The following WNT2B variants were observed in gnomAD, a reference collection of about 807,000 sequenced individuals.
WNT2B encodes the protein protein Wnt-2b.
A neutral mutation model predicts 40.5 loss-of-function variants in WNT2B; 19 were observed. The observed-to-expected ratio is 0.47, with a 90% CI of 0.33 to 0.69. The LOEUF (loss-of-function observed/expected upper bound fraction) is 0.69. Among genes scored for constraint, WNT2B ranks in the 30% least tolerant of loss-of-function variants. The probability of loss-of-function intolerance (pLI) is 0.02; values close to 1 mark genes in which losing one functional copy is unlikely to be tolerated. For synonymous variants in WNT2B, 220 were observed against 211.9 expected (o/e 1.04, Z -0.33); for missense variants, 467 against 556.4 (o/e 0.84, Z 1.62).
rs1488076434 is a variant in WNT2B, at chr1:112,520,718, G to C, written c.*209G>C. 2 of 599,632 alleles carry C rather than the reference G, an allele frequency of 3.3e-6. No homozygotes were observed. The highest frequency in any genetic ancestry group is 1.9e-5 in the African/African-American group (1 of 53,930). 37.1% of individuals were successfully genotyped at this position (599,632 alleles called of 1,614,324 possible). A position where few individuals can be genotyped will look rare whatever the true frequency, so the allele number is the denominator to read the frequency against. ...TCAGGGGATATAAGAAACTGAGCAA[G>C]CTCCCTGATTTCCCGCTCTGGAGAT... On this transcript the variant is annotated 3_prime_UTR_variant, in exon 5 of 5. Transcript: ENST00000369684.
At chr1:112,490,918 A>G in intron 1 of WNT2B, 1 of 1,310,226 alleles carries the variant, frequency 7.6e-7, no homozygotes. Flanking sequence ...CAATAGCTCT[A>G]CCCTAAATAA....
intron 1 of WNT2B, among the ~76,000 whole-genome samples, chr1:112,482,327 A>G (rs770931499): frequency 3.3e-5 from 5 of 152,038 alleles, no homozygotes; most frequent in Non-Finnish European, 5.9e-5. Flanking sequence ...TCAAAAAATA[A>G]TAATAATAAT....
At chr1:112,513,023 T>A (rs1370658348) in intron 1 of WNT2B, among the ~76,000 whole-genome samples, 1 of 152,150 alleles carries the variant, frequency 6.6e-6, no homozygotes, top group Non-Finnish European at 1.5e-5. Flanking sequence ...AAGAAGGACT[T>A]GTTGCCCGAG....
chr1:112,472,905 G>A (rs546713175), intron 1 of WNT2B, among the ~76,000 whole-genome samples: 9 of 148,940 alleles, frequency 6.0e-5, no homozygotes, highest in South Asian at 4.4e-4. Context: ...TGATGCTGCC[G>A]TGAGTTGTGA....
intron 1 of WNT2B, among the ~76,000 whole-genome samples, chr1:112,491,280 C>T (rs1426532163): frequency 1.3e-5 from 2 of 152,000 alleles, no homozygotes; most frequent in Non-Finnish European, 2.9e-5. Flanking sequence ...TGGTGGTGGG[C>T]GCCTGTAATC....
intron 1 of WNT2B, among the ~76,000 whole-genome samples, chr1:112,477,607 C>A (rs1249650393): frequency 6.6e-6 from 1 of 152,032 alleles, no homozygotes; most frequent in Non-Finnish European, 1.5e-5. Flanking sequence ...TTGGTGGCTA[C>A]AAGAAGACAC....
chr1:112,511,593 A>AT (rs1168227393), intron 1 of WNT2B, among the ~76,000 whole-genome samples: 1 of 152,048 alleles, frequency 6.6e-6, no homozygotes, highest in East Asian at 1.9e-4. Context: ...TAATATTTGG[A>AT]TTTTTCTCAT....
upstream of WNT2B, chr1:112,508,649 C>G: frequency 1.1e-6 from 1 of 943,392 alleles, no homozygotes; most frequent in Non-Finnish European, 1.3e-6. This position sits in a 1 kb window ranked among gnomAD's most constrained non-coding sequence, Gnocchi z 4.2. Flanking sequence ...CCCGCTCCGC[C>G]AGCCTGGCCG....
rs973980992 is a variant in WNT2B at position 112,480,918 on chromosome 1, C to A, written c.-95+13327C>A. On this transcript the variant is annotated intron_variant, in intron 1 of 4. Coordinates refer to the WNT2B transcript ENST00000256640. The stretch of plus-strand genomic sequence containing the variant: ...GCATGGTGGCTCACACCTGTAATCC[C>A]AGCACTTTGGGAGGCCGAGGTGGAT... Among the ~76,000 whole-genome samples the A allele has an allele frequency of 3.9e-5, 6 of 152,256 alleles. No homozygotes were observed. In the East Asian group the frequency reaches 5.8e-4, roughly 15 times the overall value.
chr1:112,478,209 G>A (rs1651110165), intron 1 of WNT2B, among the ~76,000 whole-genome samples: 1 of 151,930 alleles, frequency 6.6e-6, no homozygotes, highest in Non-Finnish European at 1.5e-5. Flanking sequence ...ACTCCAGCCT[G>A]GGCAACAAAG....
intron 1 of WNT2B, among the ~76,000 whole-genome samples, chr1:112,512,066 G>A (rs1178066292): frequency 4.0e-5 from 6 of 151,556 alleles, no homozygotes; most frequent in East Asian, 1.9e-4. Flanking sequence ...GGCTGTACAC[G>A]AAAGGAGGAA....
intron 1 of WNT2B, among the ~76,000 whole-genome samples, chr1:112,489,833 G>GTA (rs1264994976): frequency 6.6e-6 from 1 of 151,890 alleles, no homozygotes; most frequent in Non-Finnish European, 1.5e-5. Context: ...TCCCTCGCCA[G>GTA]TATGTTCCTT....
intron 1 of WNT2B, among the ~76,000 whole-genome samples, chr1:112,486,512 T>G (rs1651422752): frequency 6.6e-6 from 1 of 152,114 alleles, no homozygotes; most frequent in African/African-American, 2.4e-5. Context: ...AAATTGGACT[T>G]TATCAAAATT....
chr1:112,483,759 G>A (rs1375485362), intron 1 of WNT2B, among the ~76,000 whole-genome samples: 2 of 140,350 alleles, frequency 1.4e-5, no homozygotes, highest in East Asian at 2.0e-4. Context: ...AATATATAAG[G>A]AACTCATACA....
chr1:112,519,872 C>CTTTT (rs71081244), intron 4 of WNT2B, among the ~76,000 whole-genome samples: 7 of 115,636 alleles, frequency 6.1e-5, no homozygotes, highest in Admixed American at 9.6e-5. Context: ...GCCCATGCTT[C>CTTTT]TTTTTTTTTT....
chr1:112,487,155 C>T (rs2101061316), intron 1 of WNT2B, among the ~76,000 whole-genome samples: 1 of 152,186 alleles, frequency 6.6e-6, no homozygotes, highest in East Asian at 1.9e-4. Flanking sequence ...AATGCAGCTA[C>T]ATGAATGAAT....
In WNT2B at chr1:112,517,118, C is replaced by A. The variant is rs1034305980; in HGVS notation, c.682-3C>A. ...TCCCTTAACTGCCTTCCCCCTCCCC[C>A]AGGCTGTGCGGCGGTTTCTGAAGCT... On this transcript the variant is annotated splice_region_variant and splice_polypyrimidine_tract_variant and intron_variant, in intron 3 of 4. Transcript: ENST00000369684. 16 of 1,609,094 alleles carry A rather than the reference C, an allele frequency of 9.9e-6. No individual in the cohort carries two copies. The highest frequency in any genetic ancestry group is 1.3e-5 in the African/African-American group (1 of 74,830).
intron 4 of WNT2B, among the ~76,000 whole-genome samples, chr1:112,519,806 TCA>T (rs1440421843): frequency 6.6e-6 from 1 of 151,408 alleles, no homozygotes; most frequent in Non-Finnish European, 1.5e-5. Flanking sequence ...TTTGACTAAA[TCA>T]CACAACTAAG....
Position 112,515,672 on chromosome 1 carries a change from G to A in WNT2B, c.404-468G>A, listed in dbSNP as rs1377460635. On this transcript the variant is annotated intron_variant, in intron 2 of 4. Transcript: ENST00000369684. The surrounding 1 kb of genome is among the most constrained non-coding windows in gnomAD (Gnocchi z 4.4). The stretch of plus-strand genomic sequence containing the variant: ...CAGTCTCCAAGAGCAGGGAGGGAGA[G>A]CAAGCAGGCAAGGGAGGGTAGCATG... 6.6e-6 allele frequency among the ~76,000 whole-genome samples: 1 copy of A among 152,226 alleles called. No individual in the cohort carries two copies. The highest frequency in any genetic ancestry group is 2.4e-5 in the African/African-American group (1 of 41,458).
Sources: gnomAD v4.1 joint callset for allele counts (sites outside exome capture counted in the v4.1 genomes callset) on GRCh38, gnomAD v4.1.1 for gene constraint, Gnocchi (gnomAD v3.1) non-coding constraint, MANE v1.5 for transcripts, NCBI Gene and HGNC (gene_info 2026-07-23, HGNC 2026-07-21) for gene names.